The following SERAC1 variants were observed in gnomAD, a reference collection of about 807,000 sequenced individuals.
The protein encoded by SERAC1 is serine active site containing 1.
SERAC1 carries 36 observed loss-of-function variants against 85.7 expected under a neutral mutation model. The ratio of observed to expected loss-of-function variants is 0.42; its 90% CI spans 0.32 to 0.55. SERAC1 has a LOEUF of 0.55. SERAC1 is among the 20% of genes least tolerant of loss of function. The pLI, the probability that SERAC1 is intolerant of heterozygous loss-of-function variation, is 0.11. For synonymous variants in SERAC1, 242 were observed against 265.3 expected (o/e 0.91, Z 0.85); for missense variants, 629 against 796.2 (o/e 0.79, Z 2.53).
intron 5 of SERAC1, 106 bp downstream of exon 5, chr6:158,148,759 G>A: frequency 1.2e-6 from 1 of 801,440 alleles, no homozygotes; most frequent in Non-Finnish European, 1.9e-6. Context: ...ATTTTCCATA[G>A]CTATAAAAAA....
At chr6:158,154,181 G>A (rs199618927) in intron 3 of SERAC1, among the ~76,000 whole-genome samples, 563 of 99,718 alleles carry the variant, frequency 5.6e-3, no homozygotes, top group Admixed American at 6.2e-3. Context: ...AAAAAAAAAA[G>A]AATCCTCTGC....
chr6:158,118,141 A>G (rs1035780454), intron 12 of SERAC1, among the ~76,000 whole-genome samples: 2 of 152,228 alleles, frequency 1.3e-5, no homozygotes, highest in Admixed American at 1.3e-4. Context: ...GTAGAATGCT[A>G]TAATCTCAGG....
At chr6:158,124,172 G>C (rs1293517133) in intron 10 of SERAC1, among the ~76,000 whole-genome samples, 2 of 152,112 alleles carry the variant, frequency 1.3e-5, no homozygotes, top group Non-Finnish European at 2.9e-5. Flanking sequence ...ATAAGATACT[G>C]ATTTGATCAG....
At chr6:158,163,088 C>T (rs1029716959) in intron 1 of SERAC1, among the ~76,000 whole-genome samples, 4 of 152,142 alleles carry the variant, frequency 2.6e-5, no homozygotes, top group Admixed American at 2.6e-4. Flanking sequence ...CCAATATCCC[C>T]ATTAATGAAG....
chr6:158,125,806 G>C (rs377101392), intron 10 of SERAC1, among the ~76,000 whole-genome samples: 9 of 152,130 alleles, frequency 5.9e-5, no homozygotes, highest in South Asian at 2.1e-4. Context: ...GAATTATGGG[G>C]TTGTAAGGAT....
At chr6:158,116,454 T>C (rs570538603) in intron 13 of SERAC1, 172 bp from the exon 14 acceptor site, 6 of 568,340 alleles carry the variant, frequency 1.1e-5, no homozygotes, top group South Asian at 2.1e-5. Context: ...TATTCTCTCT[T>C]ATTGAACTCC....
In SERAC1 at chr6:158,120,602, T is replaced by C; in HGVS notation, c.1016-27A>G. 6.2e-7 allele frequency: 1 copy of C among 1,607,104 alleles called. No homozygotes were observed. The highest frequency in any genetic ancestry group is 8.5e-7 in the Non-Finnish European group (1 of 1,177,742). ...TGGTGAAAAGTACACATATCCTAAATACTGATGTGAATCCATCGCAGACCA... is the reference window on the plus strand; with the variant it reads ...TGGTGAAAAGTACACATATCCTAAACACTGATGTGAATCCATCGCAGACCA... On this transcript the variant is annotated intron_variant, in intron 10 of 16. Coordinates refer to ENST00000647468, the MANE Select transcript of SERAC1 (RefSeq NM_032861.4). The surrounding 1 kb of genome is among the most constrained non-coding windows in gnomAD (Gnocchi z 4.4).
chr6:158,122,339 A>G (rs906615697), intron 10 of SERAC1, among the ~76,000 whole-genome samples: 2 of 152,258 alleles, frequency 1.3e-5, no homozygotes, highest in Non-Finnish European at 2.9e-5. Flanking sequence ...GTAAAAAATA[A>G]TGAAATAACT....
intron 3 of SERAC1, among the ~76,000 whole-genome samples, chr6:158,151,811 T>C (rs1475090191): frequency 6.6e-6 from 1 of 152,170 alleles, no homozygotes; most frequent in East Asian, 1.9e-4. Context: ...AACGTGTTTG[T>C]GTTTTAAGCT....
At chr6:158,123,748 G>C (rs530034450) in intron 10 of SERAC1, among the ~76,000 whole-genome samples, 26 of 152,232 alleles carry the variant, frequency 1.7e-4, no homozygotes, top group Admixed American at 9.8e-4. Context: ...GGGAGTTGTA[G>C]GTACTGGCAA....
At chr6:158,115,075 T>A in intron 14 of SERAC1, 104 bp from the exon 15 acceptor site, 1 of 1,249,866 alleles carries the variant, frequency 8.0e-7, no homozygotes, top group Non-Finnish European at 1.1e-6. Flanking sequence ...AAAGAGATGC[T>A]TTCTTTTTAA....
At chr6:158,167,520 A>C (rs1056572689) in intron 1 of SERAC1, among the ~76,000 whole-genome samples, 3 of 142,448 alleles carry the variant, frequency 2.1e-5, no homozygotes, top group Non-Finnish European at 4.5e-5. Flanking sequence ...CCTGGCAGAC[A>C]GACCGAGACT....
Position 158,119,996 on chromosome 6 carries a change from T to C in SERAC1, c.1166+429A>G, listed in dbSNP as rs1168108817. On this transcript the variant is annotated intron_variant, in intron 11 of 16. Transcript: ENST00000647468. The surrounding 1 kb of genome is among the most constrained non-coding windows in gnomAD (Gnocchi z 4.5). ...ATCCTTTTATAACTAGCATAAACTT[T>C]CTCCAGTCCCTTGAGTTCTAGGCCC... 6.6e-6 allele frequency among the ~76,000 whole-genome samples: 1 copy of C among 152,164 alleles called. No homozygotes were observed. The highest frequency in any genetic ancestry group is 1.5e-5 in the Non-Finnish European group (1 of 68,028).
chr6:158,116,614 G>T, intron 13 of SERAC1: 1 of 220,310 alleles, frequency 4.5e-6, no homozygotes, highest in Non-Finnish European at 9.2e-6. Flanking sequence ...GAATATCTAA[G>T]CCCAGAACAG....
chr6:158,135,859 G>A (rs1468666104), intron 8 of SERAC1, among the ~76,000 whole-genome samples: 1 of 152,130 alleles, frequency 6.6e-6, no homozygotes, highest in African/African-American at 2.4e-5. Context: ...ACCCAGGCTG[G>A]AGTGCAGTGG....
chr6:158,143,339 CTCTCTCTCTATATATATATATA>C (rs878984701), intron 7 of SERAC1, among the ~76,000 whole-genome samples, 155 bp from the exon 8 acceptor site: 2,779 of 23,256 alleles, frequency 0.12, 36 homozygotes, highest in African/African-American at 0.17. Context: ...CTCTCTCTCT[CTCTCTCTCTATATATATATATA>C]TATATATATA....
intron 8 of SERAC1, among the ~76,000 whole-genome samples, chr6:158,137,603 C>T (rs573655164): frequency 2.6e-5 from 4 of 152,018 alleles, no homozygotes; most frequent in Non-Finnish European, 5.9e-5. Flanking sequence ...GGGCCAGGCA[C>T]GGTGGCTCTC....
At chr6:158,146,996 A>G (rs772955349) in intron 5 of SERAC1, 83 bp from the exon 6 acceptor site, 29 of 1,387,776 alleles carry the variant, frequency 2.1e-5, no homozygotes, top group Non-Finnish European at 2.8e-5. Flanking sequence ...ATTTATAAAC[A>G]CTGAAATCTA....
chr6:158,115,007 C>CTAT (rs1554261108), intron 14 of SERAC1, 36 bp from the exon 15 acceptor site: 1 of 1,574,874 alleles, frequency 6.3e-7, no homozygotes, highest in Non-Finnish European at 8.6e-7. Flanking sequence ...AATGCATAAG[C>CTAT]TATTTTCCTT....
Sources: gnomAD v4.1 joint callset for allele counts (sites outside exome capture counted in the v4.1 genomes callset) on GRCh38, gnomAD v4.1.1 for gene constraint, Gnocchi (gnomAD v3.1) non-coding constraint, MANE v1.5 for transcripts, NCBI Gene and HGNC (gene_info 2026-07-23, HGNC 2026-07-21) for gene names.